Variants in STAG1 observed in about 807,000 individuals in gnomAD.
The protein encoded by STAG1 is STAG1 cohesin complex component, also known as cohesin subunit SA-1.
STAG1 carries 26 observed loss-of-function variants against 170.9 expected under a neutral mutation model. The observed-to-expected ratio is 0.15, with a 90% CI of 0.11 to 0.21. The LOEUF (loss-of-function observed/expected upper bound fraction) is 0.21, where lower values mean the gene tolerates loss of function less well. STAG1 is among the 10% of genes least tolerant of loss of function. The probability of loss-of-function intolerance (pLI) is 1.00; values close to 1 mark genes in which losing one functional copy is unlikely to be tolerated. For synonymous variants in STAG1, 514 were observed against 497.7 expected (o/e 1.03, Z -0.44); for missense variants, 964 against 1,509.5 (o/e 0.64, Z 5.99).
intron 12 of STAG1, among the ~76,000 whole-genome samples, chr3:136,472,080 T>G (rs1435491385): frequency 1.3e-5 from 2 of 152,124 alleles, no homozygotes; most frequent in Admixed American, 6.5e-5. Context: ...CAAGTGATCC[T>G]CCCGCCTTGG....
chr3:136,584,649 T>C (rs1247258282), intron 4 of STAG1, among the ~76,000 whole-genome samples: 1 of 152,248 alleles, frequency 6.6e-6, no homozygotes, highest in Non-Finnish European at 1.5e-5. Flanking sequence ...TCCAATATCT[T>C]TCAATCCACA....
At chr3:136,727,467 C>T (rs1933753359) in intron 1 of STAG1, among the ~76,000 whole-genome samples, 1 of 152,190 alleles carries the variant, frequency 6.6e-6, no homozygotes, top group South Asian at 2.1e-4. Flanking sequence ...TAATAAAAAG[C>T]TTGTATTCAA....
chr3:136,512,407 T>C lies in STAG1; in HGVS notation c.676+8806A>G, dbSNP rs1934115369. Reference sequence around the variant, plus strand: ...GATGAAGTGTGTTATGGTCTGAAAATAGGAATATTATCTCAAAGTCTGTAT... The same window carrying C: ...GATGAAGTGTGTTATGGTCTGAAAACAGGAATATTATCTCAAAGTCTGTAT... On this transcript the variant is annotated intron_variant, in intron 7 of 33. Coordinates refer to ENST00000383202, the MANE Select transcript of STAG1 (RefSeq NM_005862.3). Among the ~76,000 whole-genome samples, 3 of 152,084 alleles carry C rather than the reference T, an allele frequency of 2.0e-5. 1 individual carries two copies. Among genetic ancestry groups the C allele is most frequent in the South Asian group, 4.1e-4 (2 of 4,824 alleles).
At chr3:136,609,357 A>C (rs796653172) in intron 3 of STAG1, 1 of 146,780 alleles carries the variant, frequency 6.8e-6, no homozygotes, top group South Asian at 2.1e-4. Context: ...ATTTGTATAT[A>C]TATTTGTATA....
chr3:136,350,095 G>A lies in STAG1; in HGVS notation c.3066-732C>T, dbSNP rs559290403. Among the ~76,000 whole-genome samples, 6 of 152,022 alleles carry A rather than the reference G, an allele frequency of 3.9e-5. No individual in the cohort carries two copies. The South Asian group carries it at 6.2e-4, about 16-fold the overall frequency. Reference sequence around the variant, plus strand: ...GCGGAGGTTGCAGTAAGCCAAGACCGTGCCACTGCACTCCAGCCTGGGTGA... The same window carrying A: ...GCGGAGGTTGCAGTAAGCCAAGACCATGCCACTGCACTCCAGCCTGGGTGA... On this transcript the variant is annotated intron_variant, in intron 28 of 33. Transcript: ENST00000383202.
chr3:136,339,081 C>T (rs1376653449), intron 32 of STAG1, among the ~76,000 whole-genome samples: 1 of 151,920 alleles, frequency 6.6e-6, no homozygotes. Flanking sequence ...TATGGGTGGG[C>T]CCTAATTGAA....
At chr3:136,437,661 G>A (rs2088497762) in intron 15 of STAG1, among the ~76,000 whole-genome samples, 1 of 152,166 alleles carries the variant, frequency 6.6e-6, no homozygotes, top group Non-Finnish European at 1.5e-5. Context: ...AATGATTTGT[G>A]TAGTCTTTTT....
chr3:136,634,550 G>C (rs1244414158), intron 1 of STAG1, among the ~76,000 whole-genome samples: 1 of 149,382 alleles, frequency 6.7e-6, no homozygotes, highest in African/African-American at 2.5e-5. Flanking sequence ...ATATCAAAAT[G>C]TATGGGATGC....
intron 13 of STAG1, among the ~76,000 whole-genome samples, chr3:136,454,114 A>G (rs979584659): frequency 2.0e-5 from 3 of 152,110 alleles, no homozygotes; most frequent in Admixed American, 6.6e-5. Context: ...TTATTTTTTG[A>G]GACACAGTCT....
intron 16 of STAG1, among the ~76,000 whole-genome samples, chr3:136,426,630 G>C (rs1337739390): frequency 6.6e-6 from 1 of 151,996 alleles, no homozygotes; most frequent in Non-Finnish European, 1.5e-5. Flanking sequence ...GCACATGACA[G>C]CAATGTGAAT....
chr3:136,444,762 A>G (rs1021928913), intron 14 of STAG1, among the ~76,000 whole-genome samples: 3 of 152,160 alleles, frequency 2.0e-5, no homozygotes, highest in African/African-American at 7.2e-5. Context: ...ACCCTTCTAG[A>G]TCTACTATTG....
intron 1 of STAG1, among the ~76,000 whole-genome samples, chr3:136,733,692 A>T (rs1411075530): frequency 6.6e-6 from 1 of 152,232 alleles, no homozygotes; most frequent in African/African-American, 2.4e-5. Context: ...TTTTAACTGT[A>T]ACTAGCAGCA....
chr3:136,601,052 G>A (rs1184991031), intron 4 of STAG1, among the ~76,000 whole-genome samples: 1 of 151,794 alleles, frequency 6.6e-6, no homozygotes, highest in African/African-American at 2.4e-5. Context: ...GTAGAGACAG[G>A]GTTTCACCAT....
In STAG1 at chr3:136,452,162, C is replaced by A; in HGVS notation, c.1314-15G>T. On this transcript the variant is annotated splice_polypyrimidine_tract_variant and intron_variant, in intron 13 of 33. Coordinates refer to ENST00000383202, the MANE Select transcript of STAG1 (RefSeq NM_005862.3). ...TGCTAAATAGCCTGGAAATGAAAAA[C>A]AGGGCATTGCAAAGTTACATGAATA... 6.5e-7 allele frequency: 1 copy of A among 1,536,464 alleles called. No homozygotes were observed. Among genetic ancestry groups the A allele is most frequent in the Non-Finnish European group, 9.0e-7 (1 of 1,113,068 alleles).
At chr3:136,400,121 C>A (rs1344798131) in intron 21 of STAG1, among the ~76,000 whole-genome samples, 4 of 152,076 alleles carry the variant, frequency 2.6e-5, no homozygotes, top group Non-Finnish European at 1.5e-5. Flanking sequence ...CGGGGTTTCA[C>A]CATGATGCGC....
At chr3:136,622,983 G>T (rs1939934600) in intron 3 of STAG1, among the ~76,000 whole-genome samples, 163 bp downstream of exon 3, 1 of 152,100 alleles carries the variant, frequency 6.6e-6, no homozygotes, top group Admixed American at 6.6e-5. Context: ...TCCTTTTTCT[G>T]ATCACTGCCA....
At chr3:136,747,126 A>AGCCGG (rs1934979244) in intron 1 of STAG1, among the ~76,000 whole-genome samples, 1 of 144,324 alleles carries the variant, frequency 6.9e-6, no homozygotes, top group East Asian at 2.0e-4. Context: ...AAAAAAAATT[A>AGCCGG]GCCGGGCATG....
rs1935694910 is a variant in STAG1, at chr3:136,336,751, A to C, written c.*1503T>G. On this transcript the variant is annotated 3_prime_UTR_variant, in exon 34 of 34. Transcript: ENST00000383202. Reference sequence around the variant, plus strand: ...GAGAAAAATGTTTTGTGTCTTTACTAAAAGGATGAATAAAATCATCCATCA... The same window carrying C: ...GAGAAAAATGTTTTGTGTCTTTACTCAAAGGATGAATAAAATCATCCATCA... 6.6e-6 allele frequency: 1 copy of C among 152,258 alleles called. No individual in the cohort carries two copies. Among genetic ancestry groups the C allele is most frequent in the Admixed American group, 6.5e-5 (1 of 15,290 alleles). The allele number at this position is 152,258 out of a possible 1,614,324, so 9.4% of individuals were successfully genotyped here.
Position 136,357,734 on chromosome 3 carries a change from C to T in STAG1, c.3051G>A (p.Gln1017=), listed in dbSNP as rs1425376737. ...GTGCAACTTACACTGTCTTTTTGTC[C>T]TGTCGAAGAAGTTTAGAAGAAAATT... is the stretch of plus-strand genomic sequence containing the variant. ...LSEFSSKLLR[Q]DKKTVHSYLE... Residue 1017 remains glutamine (Q), a synonymous_variant, in exon 28 of 34, where the codon CAG becomes CAA. Coordinates refer to ENST00000383202, the MANE Select transcript of STAG1 (RefSeq NM_005862.3). The T allele has an allele frequency of 6.2e-7, 1 of 1,600,860 alleles. No individual in the cohort carries two copies.
Sources: gnomAD v4.1 joint callset for allele counts (sites outside exome capture counted in the v4.1 genomes callset) on GRCh38, gnomAD v4.1.1 for gene constraint, MANE v1.5 for transcripts, NCBI Gene and HGNC (gene_info 2026-07-23, HGNC 2026-07-21) for gene names.